The following PYGB variants were observed in gnomAD, a reference collection of about 807,000 sequenced individuals.
PYGB encodes the protein glycogen phosphorylase, brain form.
Under a neutral mutation model 94.3 loss-of-function variants are expected in PYGB, and 82 were observed. That is an observed-to-expected ratio of 0.87 (90% CI 0.73 to 1.04). PYGB has a LOEUF of 1.04. Ranked by LOEUF, PYGB falls within the 50% of genes least tolerant of loss-of-function variation. PYGB has a pLI of 0.00. For synonymous variants in PYGB, 488 were observed against 479.1 expected (o/e 1.02, Z -0.24); for missense variants, 1,132 against 1,158.2 (o/e 0.98, Z 0.33).
At chr20:25,295,493 A>C (rs753420982) in intron 18 of PYGB, 111 bp from the exon 19 acceptor site, 27 of 1,302,462 alleles carry the variant, frequency 2.1e-5, no homozygotes, top group Non-Finnish European at 2.9e-5. Flanking sequence ...CCTTCGCTCC[A>C]GACAGGACCA....
At chr20:25,276,906 C>T (rs766869312) in intron 6 of PYGB, 149 bp downstream of exon 6, 33 of 744,042 alleles carry the variant, frequency 4.4e-5, no homozygotes, top group Admixed American at 3.9e-4. Context: ...CAGTGAAGAG[C>T]GAGGCTGGTG....
intron 1 of PYGB, among the ~76,000 whole-genome samples, chr20:25,255,100 A>T (rs3787082): frequency 0.6 from 91,466 of 152,034 alleles, 28,880 homozygotes; most frequent in East Asian, 0.98. Flanking sequence ...ACCGTGTGAC[A>T]TCACAGGCTG....
chr20:25,278,605 A>T, intron 8 of PYGB, 143 bp downstream of exon 8: 1 of 1,229,278 alleles, frequency 8.1e-7, no homozygotes. Flanking sequence ...CTGGGCCAGG[A>T]TCCCACCTGG....
intron 2 of PYGB, among the ~76,000 whole-genome samples, chr20:25,261,397 C>T (rs1174175966): frequency 6.6e-6 from 1 of 152,182 alleles, no homozygotes; most frequent in Non-Finnish European, 1.5e-5. Context: ...CAGCAAACTC[C>T]AGCAGACCTG....
chr20:25,287,585 G>C (rs2088428913), intron 14 of PYGB, among the ~76,000 whole-genome samples: 1 of 152,186 alleles, frequency 6.6e-6, no homozygotes, highest in Non-Finnish European at 1.5e-5. Flanking sequence ...AGGAGTCTGT[G>C]GCTGCTGTGA....
At position 25,278,402 on chromosome 20, in the gene PYGB, G is replaced by A. The variant is rs759596166; in HGVS notation, c.939G>A (p.Lys313=). 6.2e-6 allele frequency: 10 copies of A among 1,611,538 alleles called. No homozygotes were observed. Among genetic ancestry groups the A allele is most frequent in the Non-Finnish European group, 8.5e-6 (10 of 1,179,352 alleles). The part of the protein sequence containing the change: ...ATLQDIIRRF[K]SSKFGCRDPV... ...TCCAGGACATCATCCGCCGCTTCAA[G>A]TCGTCCAAGTTCGGCTGCCGGGACC... Residue 313 remains lysine (K), a synonymous_variant, in exon 8 of 20, where the codon AAG becomes AAA. Transcript: ENST00000216962.
chr20:25,288,429 CAA>C lies in PYGB; in HGVS notation c.1774_1775del (p.Lys592GlufsTer42), dbSNP rs1405269112. On this transcript the variant is annotated frameshift_variant, in exon 15 of 20. Transcript: ENST00000216962. LOFTEE classifies it high-confidence loss of function. ...LHVVTLYNRI[K>X]RDPAKAFVPR... ...TCTCTTCCGTGTGTCCTGCAGGAATCAAGAGAGACCCGGCCAAGGCTTTTGTG... is the reference window on the plus strand; with the variant it reads ...TCTCTTCCGTGTGTCCTGCAGGAATCGAGAGACCCGGCCAAGGCTTTTGTG... 1.1e-5 allele frequency: 17 copies of C among 1,614,138 alleles called. No homozygotes were observed. Among genetic ancestry groups the C allele is most frequent in the Non-Finnish European group, 5.1e-6 (6 of 1,180,018 alleles).
At chr20:25,264,846 A>G (rs1022216750) in intron 2 of PYGB, among the ~76,000 whole-genome samples, 4 of 152,238 alleles carry the variant, frequency 2.6e-5, no homozygotes, top group African/African-American at 9.6e-5. Flanking sequence ...AAATGGTCCT[A>G]CTGCCCAAGG....
chr20:25,265,392 T>G (rs79309646), intron 2 of PYGB, among the ~76,000 whole-genome samples: 3,187 of 152,242 alleles, frequency 0.021, 99 homozygotes, highest in African/African-American at 0.071. Flanking sequence ...CACCAATGCT[T>G]CTTCTCTGTT....
At chr20:25,249,845 G>C (rs895192397) in intron 1 of PYGB, among the ~76,000 whole-genome samples, 51 of 137,346 alleles carry the variant, frequency 3.7e-4, no homozygotes, top group Admixed American at 3.3e-3. Context: ...CTGATGCACA[G>C]CACCATTTTT....
chr20:25,292,618 G>T lies in PYGB; in HGVS notation c.2177+5G>T. ...CGAGGCCTTGGACCGGAAAGGGTGC[G>T]AGCCTGTGCCCCTGGGCACCTGGCA... On this transcript the variant is annotated splice_donor_5th_base_variant and intron_variant, in intron 17 of 19. Transcript: ENST00000216962. The T allele has an allele frequency of 6.2e-7, 1 of 1,609,206 alleles. No individual in the cohort carries two copies. Among genetic ancestry groups the T allele is most frequent in the Non-Finnish European group, 8.5e-7 (1 of 1,178,914 alleles).
At chr20:25,279,351 C>T (rs905015856) in intron 9 of PYGB, among the ~76,000 whole-genome samples, 7 of 151,888 alleles carry the variant, frequency 4.6e-5, no homozygotes, top group East Asian at 1.9e-4. Context: ...GGTCAGGGCG[C>T]GGGGGAGATG....
At chr20:25,279,566 GA>G (rs751065569) in intron 9 of PYGB, among the ~76,000 whole-genome samples, 9 of 152,160 alleles carry the variant, frequency 5.9e-5, no homozygotes, top group Admixed American at 2.0e-4. Context: ...TCAACATGTG[GA>G]ACCATAAAAC....
chr20:25,288,373 G>A (rs749503271), intron 14 of PYGB, 52 bp from the exon 15 acceptor site: 2 of 1,606,000 alleles, frequency 1.2e-6, no homozygotes, highest in South Asian at 1.1e-5. Flanking sequence ...CCCCAGCAGG[G>A]GCTCGTCCGG....
Position 25,296,729 on chromosome 20 carries a change from G to A in PYGB, c.*207G>A, listed in dbSNP as rs73343097. 2.1e-3 allele frequency: 1,413 copies of A among 685,068 alleles called. 23 individuals carry two copies. In the African/African-American group the frequency reaches 0.023, roughly 11 times the overall value. The allele number at this position is 685,068 out of a possible 1,614,324, so 42.4% of individuals were successfully genotyped here. Reference sequence around the variant, plus strand: ...GAAGTGCTCCTAGTTTCTTGTAAAGGAAGCCAGAGTTGACAGTACAAAGGG... The same window carrying A: ...GAAGTGCTCCTAGTTTCTTGTAAAGAAAGCCAGAGTTGACAGTACAAAGGG... On this transcript the variant is annotated 3_prime_UTR_variant, in exon 20 of 20. Coordinates refer to ENST00000216962, the MANE Select transcript of PYGB (RefSeq NM_002862.4).
Position 25,276,758 on chromosome 20 carries a change from G to A in PYGB, c.772+1G>A. ...CCCAACGACTTCAAGCTGCAGGACT[G>A]TACGTTCCGTGGTTCTTGGCACCCT... On this transcript the variant is annotated splice_donor_variant, in intron 6 of 19. Coordinates refer to ENST00000216962, the MANE Select transcript of PYGB (RefSeq NM_002862.4). LOFTEE classifies it high-confidence loss of function. 1 of 1,612,958 alleles carries A rather than the reference G, an allele frequency of 6.2e-7. No individual in the cohort carries two copies. The highest frequency in any genetic ancestry group is 8.5e-7 in the Non-Finnish European group (1 of 1,179,050).
Position 25,297,890 on chromosome 20 carries a change from T to G in PYGB, c.*1368T>G, listed in dbSNP as rs1477978334. 1 of 152,308 alleles carries G rather than the reference T, an allele frequency of 6.6e-6. No homozygotes were observed. The highest frequency in any genetic ancestry group is 1.5e-5 in the Non-Finnish European group (1 of 68,114). 9.4% of individuals were successfully genotyped at this position (152,308 alleles called of 1,614,324 possible). On this transcript the variant is annotated 3_prime_UTR_variant, in exon 20 of 20. Coordinates refer to ENST00000216962, the MANE Select transcript of PYGB (RefSeq NM_002862.4). Reference sequence around the variant, plus strand: ...GCATCTTCCCCAGGCAGCGGCTCTGTGGAGGAGGCCATACTCCCCTAGTTG... The same window carrying G: ...GCATCTTCCCCAGGCAGCGGCTCTGGGGAGGAGGCCATACTCCCCTAGTTG...
At chr20:25,289,523 G>A (rs917845715) in intron 15 of PYGB, among the ~76,000 whole-genome samples, 3 of 152,088 alleles carry the variant, frequency 2.0e-5, no homozygotes, top group African/African-American at 4.8e-5. Context: ...GTTCATGTCT[G>A]TAGTCCCAGT....
intron 14 of PYGB, among the ~76,000 whole-genome samples, chr20:25,285,894 T>C (rs1328072946): frequency 6.6e-6 from 1 of 152,218 alleles, no homozygotes; most frequent in Non-Finnish European, 1.5e-5. Context: ...GTCTAGTTCA[T>C]GACTGGCTCA....
Sources: allele counts gnomAD v4.1 joint callset (sites outside exome capture counted in the v4.1 genomes callset), GRCh38; gene constraint gnomAD v4.1.1; transcripts MANE v1.5; gene names NCBI Gene and HGNC (gene_info 2026-07-23, HGNC 2026-07-21).